Variants in SPAG16 observed in about 807,000 individuals in gnomAD.
SPAG16 encodes the protein sperm-associated antigen 16 protein.
Under a neutral mutation model 80.4 loss-of-function variants are expected in SPAG16, and 86 were observed. The ratio of observed to expected loss-of-function variants is 1.07; its 90% CI spans 0.90 to 1.28. SPAG16 has a LOEUF of 1.28. Among genes scored for constraint, SPAG16 ranks in the 50% most tolerant of loss-of-function variants. SPAG16 has a pLI of 0.00. For synonymous variants in SPAG16, 294 were observed against 265.9 expected (o/e 1.11, Z -1.03); for missense variants, 870 against 765.3 (o/e 1.14, Z -1.61).
At chr2:213,438,318 G>T (rs1423664208) in intron 9 of SPAG16, among the ~76,000 whole-genome samples, 1 of 152,154 alleles carries the variant, frequency 6.6e-6, no homozygotes, top group Admixed American at 6.5e-5. Context: ...GACAACAATG[G>T]CCAGGAGTGG....
rs1221636599 is a variant in SPAG16, at chr2:213,814,073, T to C, written c.1071-48412T>C. ...AGAGACTGAAAGAGAGATGAATTGA[T>C]TGATTTTAAGAAATTTACTGACATT... is the stretch of plus-strand genomic sequence containing the variant. On this transcript the variant is annotated intron_variant, in intron 10 of 15. Coordinates refer to ENST00000331683, the MANE Select transcript of SPAG16 (RefSeq NM_024532.5). Among the ~76,000 whole-genome samples the C allele has an allele frequency of 2.0e-5, 3 of 152,036 alleles. No homozygotes were observed. In the East Asian group the frequency reaches 5.8e-4, roughly 29 times the overall value.
chr2:214,162,358 CA>C (rs1452669214), intron 15 of SPAG16, among the ~76,000 whole-genome samples: 3 of 152,030 alleles, frequency 2.0e-5, no homozygotes, highest in Non-Finnish European at 2.9e-5. Flanking sequence ...AAGGTCATAG[CA>C]AGTTATAAAC....
At chr2:213,416,810 G>T (rs1351925878) in intron 9 of SPAG16, among the ~76,000 whole-genome samples, 1 of 152,122 alleles carries the variant, frequency 6.6e-6, no homozygotes, top group South Asian at 2.1e-4. Flanking sequence ...AAAGACAGGG[G>T]GCACAGTAAA....
chr2:214,203,341 C>T (rs1434708952), intron 15 of SPAG16, among the ~76,000 whole-genome samples: 1 of 152,164 alleles, frequency 6.6e-6, no homozygotes, highest in East Asian at 1.9e-4. Flanking sequence ...TCAGCTCCCA[C>T]TCCAGTGGAT....
chr2:214,402,991 G>T (rs1309713114), intron 15 of SPAG16, among the ~76,000 whole-genome samples: 1 of 150,454 alleles, frequency 6.6e-6, no homozygotes, highest in African/African-American at 2.4e-5. Context: ...CCATCATGTT[G>T]TGTTTTAGTA....
intron 11 of SPAG16, among the ~76,000 whole-genome samples, chr2:213,906,938 A>G (rs1044769099): frequency 2.8e-5 from 4 of 144,774 alleles, no homozygotes; most frequent in Non-Finnish European, 6.3e-5. Context: ...ATGCTTCAGG[A>G]CATTATTCTA....
At chr2:214,117,250 T>C (rs1249426535) in intron 14 of SPAG16, among the ~76,000 whole-genome samples, 3 of 148,958 alleles carry the variant, frequency 2.0e-5, no homozygotes, top group Non-Finnish European at 3.0e-5. Flanking sequence ...AACAGCAGAA[T>C]TGATCAAACA....
intron 10 of SPAG16, among the ~76,000 whole-genome samples, chr2:213,828,255 G>A (rs1381173893): frequency 1.3e-5 from 2 of 151,952 alleles, no homozygotes; most frequent in African/African-American, 4.8e-5. Flanking sequence ...CAAATAGCCT[G>A]TCTTTAGGCT....
At chr2:213,662,069 A>C (rs1353614077) in intron 10 of SPAG16, among the ~76,000 whole-genome samples, 1 of 152,150 alleles carries the variant, frequency 6.6e-6, no homozygotes, top group Non-Finnish European at 1.5e-5. Flanking sequence ...AACCTTATTA[A>C]AAACCTTCTC....
intron 9 of SPAG16, among the ~76,000 whole-genome samples, chr2:213,380,215 T>G (rs576279315): frequency 6.6e-6 from 1 of 152,324 alleles, no homozygotes; most frequent in South Asian, 2.1e-4. Context: ...TGCTCTAAGT[T>G]CTGCCCACTG....
intron 13 of SPAG16, among the ~76,000 whole-genome samples, chr2:214,018,527 G>T (rs986741109): frequency 6.6e-6 from 1 of 152,020 alleles, no homozygotes; most frequent in Non-Finnish European, 1.5e-5. Flanking sequence ...ATATTGATAT[G>T]GATGACATTA....
chr2:213,831,655 A>G (rs1034369119), intron 10 of SPAG16, among the ~76,000 whole-genome samples: 6 of 152,268 alleles, frequency 3.9e-5, no homozygotes, highest in Admixed American at 2.6e-4. Context: ...TACAAAAGTT[A>G]TAACACTAAA....
At chr2:213,560,492 A>G (rs1361347932) in intron 10 of SPAG16, among the ~76,000 whole-genome samples, 2 of 152,178 alleles carry the variant, frequency 1.3e-5, no homozygotes, top group South Asian at 2.1e-4. Flanking sequence ...TAATTTTAAT[A>G]TAGGGACATG....
chr2:213,898,769 T>C (rs949291890), intron 11 of SPAG16, among the ~76,000 whole-genome samples: 2 of 152,156 alleles, frequency 1.3e-5, no homozygotes, highest in Non-Finnish European at 2.9e-5. Context: ...AAATACTCAG[T>C]TGGATTCTTG....
chr2:214,226,932 A>G (rs1180351805), intron 15 of SPAG16, among the ~76,000 whole-genome samples: 1 of 152,032 alleles, frequency 6.6e-6, no homozygotes, highest in Admixed American at 6.6e-5. Flanking sequence ...ACATCAGACA[A>G]CAGCTAAATT....
At chr2:213,738,441 ATATAATGCCTT>A (rs1401608432) in intron 10 of SPAG16, among the ~76,000 whole-genome samples, 4 of 152,240 alleles carry the variant, frequency 2.6e-5, no homozygotes, top group Non-Finnish European at 5.9e-5. Context: ...ATTCCTTAAA[ATATAATGCCTT>A]TAAGGATATG....
chr2:213,860,898 A>G (rs548699753), intron 10 of SPAG16, among the ~76,000 whole-genome samples: 1 of 152,194 alleles, frequency 6.6e-6, no homozygotes, highest in African/African-American at 2.4e-5. Flanking sequence ...TCAAGGATTC[A>G]GTTTGCCTTC....
At chr2:213,392,690 C>CA (rs1559083434) in intron 9 of SPAG16, among the ~76,000 whole-genome samples, 1 of 151,956 alleles carries the variant, frequency 6.6e-6, no homozygotes, top group Non-Finnish European at 1.5e-5. Flanking sequence ...ACTAAAAATA[C>CA]AAAAACATTA....
At position 214,229,916 on chromosome 2, in the gene SPAG16, T is replaced by TA. The variant is rs144109559; in HGVS notation, c.1720+80652dup. On this transcript the variant is annotated intron_variant, in intron 15 of 15. Coordinates refer to ENST00000331683, the MANE Select transcript of SPAG16 (RefSeq NM_024532.5). ...CAAGTGTCAGCAAAATGCAGCACAG[T>TA]AATGTTAAACTATTCTATTTTTGCA... Among the ~76,000 whole-genome samples the TA allele has an allele frequency of 7.6e-4, 116 of 152,048 alleles. 1 individual carries two copies. The highest frequency in any genetic ancestry group is 2.6e-3 in the African/African-American group (108 of 41,532).
Sources: gnomAD v4.1 joint callset for allele counts (sites outside exome capture counted in the v4.1 genomes callset) on GRCh38, gnomAD v4.1.1 for gene constraint, MANE v1.5 for transcripts, NCBI Gene and HGNC (gene_info 2026-07-23, HGNC 2026-07-21) for gene names.